The following SYT17 variants were observed in gnomAD, a reference collection of about 807,000 sequenced individuals.
SYT17 encodes synaptotagmin-17.
A neutral mutation model predicts 46.7 loss-of-function variants in SYT17; 22 were observed. The observed-to-expected ratio is 0.47, with a 90% CI of 0.34 to 0.67. The LOEUF is 0.67. Ranked by LOEUF, SYT17 falls within the 30% of genes least tolerant of loss-of-function variation. The probability of loss-of-function intolerance (pLI) is 0.01; values close to 1 mark genes in which losing one functional copy is unlikely to be tolerated. For missense variants in SYT17, 519 were observed against 612.8 expected, an observed-to-expected ratio of 0.85 and a Z score of 1.62; for synonymous variants, 251 against 248.4, an observed-to-expected ratio of 1.01 and a Z score of -0.10.
At chr16:19,172,873 T>G (rs1332431186) in intron 2 of SYT17, 96 bp downstream of exon 2, 3 of 1,413,076 alleles carry the variant, frequency 2.1e-6, no homozygotes, top group Non-Finnish European at 3.0e-6. Context: ...GGATATTGAA[T>G]ATTCAACAAT....
intron 1 of SYT17, chr16:19,172,129 G>A (rs1744275314): frequency 1.1e-5 from 2 of 174,506 alleles, no homozygotes; most frequent in South Asian, 3.1e-4. Context: ...GGGAGTCTGT[G>A]CCTTGAGAAC....
At chr16:19,266,177 A>G (rs1049530940) in intron 7 of SYT17, among the ~76,000 whole-genome samples, 9 of 152,210 alleles carry the variant, frequency 5.9e-5, no homozygotes, top group African/African-American at 1.9e-4. Flanking sequence ...AGAGACACAG[A>G]GCTTGGTCAA....
In SYT17 at chr16:19,267,181, A is replaced by G. The variant is rs1291507105; in HGVS notation, c.*105A>G. 3 of 988,504 alleles carry G rather than the reference A, an allele frequency of 3.0e-6. No individual in the cohort carries two copies. In the East Asian group the frequency reaches 7.9e-5, roughly 26 times the overall value. 61.2% of individuals were successfully genotyped at this position (988,504 alleles called of 1,614,324 possible). A position where few individuals can be genotyped will look rare whatever the true frequency, so the allele number is the denominator to read the frequency against. ...CCACACCTGCATACACACTCGCAAC[A>G]TGTCTACACACGTCCACACACACAG... On this transcript the variant is annotated 3_prime_UTR_variant, in exon 8 of 8. Transcript: ENST00000355377.
intron 7 of SYT17, among the ~76,000 whole-genome samples, chr16:19,250,553 C>A (rs1967982916): frequency 1.3e-5 from 2 of 152,006 alleles, no homozygotes; most frequent in African/African-American, 4.8e-5. Flanking sequence ...AATTTTAAAT[C>A]TTTTTTGTAA....
At position 19,191,068 on chromosome 16, in the gene SYT17, A is replaced by G. The variant is rs566530822; in HGVS notation, c.951+6921A>G. 2.6e-5 allele frequency among the ~76,000 whole-genome samples: 4 copies of G among 152,150 alleles called. No individual in the cohort carries two copies. In the East Asian group the frequency reaches 7.7e-4, roughly 29 times the overall value. On this transcript the variant is annotated intron_variant, in intron 5 of 7. Coordinates refer to ENST00000355377, the MANE Select transcript of SYT17 (RefSeq NM_016524.4). The stretch of plus-strand genomic sequence containing the variant: ...TGGAGAGATTAGATGCCCCGTGGCC[A>G]TGCGGGAACCTTTCTGAGCATTAGG...
intron 7 of SYT17, among the ~76,000 whole-genome samples, chr16:19,236,132 C>T (rs1334371775): frequency 6.6e-6 from 1 of 152,126 alleles, no homozygotes; most frequent in Non-Finnish European, 1.5e-5. Flanking sequence ...TTCTTCCCTT[C>T]TCAGAAAACA....
chr16:19,266,147 G>T (rs146754435), intron 7 of SYT17, among the ~76,000 whole-genome samples: 15 of 152,346 alleles, frequency 9.8e-5, no homozygotes, highest in Non-Finnish European at 1.5e-4. Flanking sequence ...GAGGCTCAGA[G>T]AGGTTACTTC....
At chr16:19,230,648 G>C (rs116986947) in intron 7 of SYT17, among the ~76,000 whole-genome samples, 2,492 of 152,282 alleles carry the variant, frequency 0.016, 38 homozygotes, top group Non-Finnish European at 0.025. Flanking sequence ...CCTGAGAAAA[G>C]AATGTTCTTT....
intron 7 of SYT17, among the ~76,000 whole-genome samples, chr16:19,266,299 C>T (rs72779595): frequency 0.075 from 11,442 of 152,256 alleles, 499 homozygotes; most frequent in African/African-American, 0.11. Flanking sequence ...TGGCCATGTC[C>T]GAAGACATTT....
intron 7 of SYT17, among the ~76,000 whole-genome samples, chr16:19,226,686 CT>C (rs1370915794): frequency 2.0e-5 from 3 of 152,192 alleles, no homozygotes; most frequent in African/African-American, 7.2e-5. Context: ...ACCGTCACCC[CT>C]GACTCCTTAA....
rs1963967055 is a variant in SYT17 at position 19,168,794 on chromosome 16, G to A, written c.15+133G>A. Reference sequence around the variant, plus strand: ...TTGCTTCGAGAAAAAGGGTGCCCGTGCGCGGGCAACCTGTGCAGCAACAGG... The same window carrying A: ...TTGCTTCGAGAAAAAGGGTGCCCGTACGCGGGCAACCTGTGCAGCAACAGG... On this transcript the variant is annotated intron_variant, in intron 1 of 7. Coordinates refer to ENST00000355377, the MANE Select transcript of SYT17 (RefSeq NM_016524.4). This position sits in a 1 kb window ranked among gnomAD's most constrained non-coding sequence, Gnocchi z 6.9. The A allele has an allele frequency of 8.3e-7, 1 of 1,210,356 alleles. No homozygotes were observed. Among genetic ancestry groups the A allele is most frequent in the Admixed American group, 3.4e-5 (1 of 29,578 alleles). The allele number at this position is 1,210,356 out of a possible 1,614,324, so 75.0% of individuals were successfully genotyped here.
intron 5 of SYT17, among the ~76,000 whole-genome samples, chr16:19,218,572 G>A (rs1036182924): frequency 1.3e-5 from 2 of 152,202 alleles, no homozygotes; most frequent in South Asian, 2.1e-4. Context: ...ATGACTTCAG[G>A]AAGTGCCTTG....
intron 7 of SYT17, among the ~76,000 whole-genome samples, chr16:19,252,994 C>T (rs1231851624): frequency 6.6e-6 from 1 of 152,176 alleles, no homozygotes; most frequent in Admixed American, 6.5e-5. Flanking sequence ...CTTGAGAATT[C>T]GCATTTCTAA....
rs1963948020 is a variant in SYT17, at chr16:19,168,430, G to A, written c.-217G>A. 8 of 617,140 alleles carry A rather than the reference G, an allele frequency of 1.3e-5. No individual in the cohort carries two copies. The highest frequency in any genetic ancestry group is 4.0e-5 in the African/African-American group (2 of 50,514). 38.2% of individuals were successfully genotyped at this position (617,140 alleles called of 1,614,324 possible). On this transcript the variant is annotated 5_prime_UTR_variant, in exon 1 of 8. Transcript: ENST00000355377. This position sits in a 1 kb window ranked among gnomAD's most constrained non-coding sequence, Gnocchi z 6.9. The stretch of plus-strand genomic sequence containing the variant: ...CCCGATATCTCCGAACCGGGGAGGC[G>A]GCCCCGATTCCGAGAGCCGGAACGC...
chr16:19,197,396 A>G (rs1455530289), intron 5 of SYT17, among the ~76,000 whole-genome samples: 1 of 152,060 alleles, frequency 6.6e-6, no homozygotes, highest in African/African-American at 2.4e-5. Context: ...CAGGGCCTCT[A>G]AAGAAAGAGG....
At chr16:19,178,249 A>AT (rs35438100) in intron 3 of SYT17, among the ~76,000 whole-genome samples, 54,170 of 151,082 alleles carry the variant, frequency 0.36, 10,252 homozygotes, top group Middle Eastern at 0.46. Flanking sequence ...CGCCCGGCTA[A>AT]TTTTTTGTAT....
intron 5 of SYT17, among the ~76,000 whole-genome samples, chr16:19,210,516 T>A (rs77809224): frequency 0.019 from 2,964 of 152,072 alleles, 105 homozygotes; most frequent in African/African-American, 0.067. Context: ...ATACCCTTTT[T>A]TTTTCTTAAA....
intron 7 of SYT17, among the ~76,000 whole-genome samples, chr16:19,257,569 G>A (rs116291794): frequency 0.02 from 3,028 of 152,238 alleles, 86 homozygotes; most frequent in African/African-American, 0.07. Flanking sequence ...GAAGAAGCAG[G>A]CCTGTGTAGA....
intron 5 of SYT17, among the ~76,000 whole-genome samples, chr16:19,212,261 T>C (rs543333852): frequency 6.6e-6 from 1 of 152,256 alleles, no homozygotes; most frequent in East Asian, 1.9e-4. Flanking sequence ...GTGCTGAGGT[T>C]GACAAACCCT....
Sources: allele counts gnomAD v4.1 joint callset (sites outside exome capture counted in the v4.1 genomes callset), GRCh38; gene constraint gnomAD v4.1.1; non-coding constraint Gnocchi (gnomAD v3.1); transcripts MANE v1.5; gene names NCBI Gene and HGNC (gene_info 2026-07-23, HGNC 2026-07-21).